The following ST18 variants were observed in gnomAD, a reference collection of about 807,000 sequenced individuals.
The protein encoded by ST18 is suppression of tumorigenicity 18 protein.
Under a neutral mutation model 110.0 loss-of-function variants are expected in ST18, and 50 were observed. The ratio of observed to expected loss-of-function variants is 0.45; its 90% CI spans 0.36 to 0.58. The LOEUF (loss-of-function observed/expected upper bound fraction) is 0.58, where lower values mean the gene tolerates loss of function less well. ST18 is among the 20% of genes least tolerant of loss of function. The pLI is 0.00. For synonymous variants in ST18, 461 were observed against 452.4 expected (o/e 1.02, Z -0.24); for missense variants, 1,306 against 1,280.1 (o/e 1.02, Z -0.31).
intron 2 of ST18, among the ~76,000 whole-genome samples, chr8:52,276,226 C>CCA (rs2095258520): frequency 6.7e-6 from 1 of 148,210 alleles, no homozygotes; most frequent in African/African-American, 2.5e-5. Context: ...TAATTACACA[C>CCA]TACACACACC....
chr8:52,367,377 G>A (rs1471998463), intron 2 of ST18, among the ~76,000 whole-genome samples: 1 of 151,910 alleles, frequency 6.6e-6, no homozygotes, highest in Non-Finnish European at 1.5e-5. Context: ...AGCCAATATC[G>A]GTCCACTGCA....
chr8:52,355,561 A>G (rs1461794869), intron 2 of ST18, among the ~76,000 whole-genome samples: 2 of 152,250 alleles, frequency 1.3e-5, no homozygotes, highest in African/African-American at 4.8e-5. Flanking sequence ...CACAAAAGCA[A>G]TAAGCTGGCA....
chr8:52,405,472 G>T (rs1844150149), intron 2 of ST18: 4 of 152,124 alleles, frequency 2.6e-5, no homozygotes. Context: ...TCCTATTTTG[G>T]TCAGAGTTCT....
chr8:52,199,861 C>T (rs2077372898), intron 8 of ST18, among the ~76,000 whole-genome samples: 1 of 152,192 alleles, frequency 6.6e-6, no homozygotes, highest in Non-Finnish European at 1.5e-5. Flanking sequence ...AGTGCCTGCT[C>T]TGTGACAGCA....
intron 2 of ST18, among the ~76,000 whole-genome samples, chr8:52,348,722 CA>C (rs1818878429): frequency 1.3e-5 from 2 of 151,752 alleles, no homozygotes; most frequent in Admixed American, 6.6e-5. Flanking sequence ...TCAGCCTGAG[CA>C]AAAAAATGCA....
chr8:52,121,857 T>A (rs917532171), intron 23 of ST18, among the ~76,000 whole-genome samples: 1 of 152,136 alleles, frequency 6.6e-6, no homozygotes, highest in Non-Finnish European at 1.5e-5. Context: ...TTATTATTAT[T>A]ATTTTTTGAG....
At chr8:52,346,481 C>G (rs1817826596) in intron 2 of ST18, among the ~76,000 whole-genome samples, 1 of 152,060 alleles carries the variant, frequency 6.6e-6, no homozygotes, top group Non-Finnish European at 1.5e-5. Context: ...AGTTGAATTT[C>G]CAGACCACAA....
chr8:52,230,348 T>C (rs1269453514), intron 2 of ST18, among the ~76,000 whole-genome samples: 2 of 152,060 alleles, frequency 1.3e-5, no homozygotes, highest in Non-Finnish European at 2.9e-5. Flanking sequence ...TAAGTATATT[T>C]GAGAACCTTT....
At chr8:52,285,653 G>A (rs941136836) in intron 2 of ST18, among the ~76,000 whole-genome samples, 2 of 152,184 alleles carry the variant, frequency 1.3e-5, no homozygotes, top group African/African-American at 4.8e-5. Context: ...AAACCACAGA[G>A]CCCCCAGAGG....
chr8:52,282,370 T>C (rs555584766), intron 2 of ST18, among the ~76,000 whole-genome samples: 1 of 152,318 alleles, frequency 6.6e-6, no homozygotes, highest in South Asian at 2.1e-4. Flanking sequence ...AGTAAGTAAA[T>C]GTTGATTCAA....
Position 52,252,721 on chromosome 8 carries a change from G to A in ST18, c.-464-22644C>T, listed in dbSNP as rs1053604767. 7.9e-5 allele frequency among the ~76,000 whole-genome samples: 12 copies of A among 151,924 alleles called. 1 individual carries two copies. In the South Asian group the frequency reaches 8.3e-4, roughly 10 times the overall value. On this transcript the variant is annotated intron_variant, in intron 2 of 25. Transcript: ENST00000689386. ...GCTTTTATGTGCAACAGTGATTTCC[G>A]CTAATTTGGCAAGAGAAATCTATAT...
At chr8:52,225,695 A>G (rs1232286619) in intron 3 of ST18, among the ~76,000 whole-genome samples, 2 of 152,232 alleles carry the variant, frequency 1.3e-5, no homozygotes, top group African/African-American at 4.8e-5. Flanking sequence ...AATAATTTCT[A>G]CATTCATTTT....
intron 2 of ST18, among the ~76,000 whole-genome samples, chr8:52,395,119 A>G (rs1432565412): frequency 1.3e-5 from 2 of 152,170 alleles, no homozygotes; most frequent in Non-Finnish European, 2.9e-5. Flanking sequence ...TCCTGGCTGG[A>G]CTGGAGTATG....
intron 14 of ST18, among the ~76,000 whole-genome samples, chr8:52,160,345 T>C (rs1015492415): frequency 6.6e-6 from 1 of 152,220 alleles, no homozygotes; most frequent in African/African-American, 2.4e-5. Flanking sequence ...TCTTTTAGAA[T>C]GTAATGTACC....
intron 9 of ST18, among the ~76,000 whole-genome samples, chr8:52,173,507 G>A (rs976973361): frequency 6.6e-6 from 1 of 152,166 alleles, no homozygotes; most frequent in Admixed American, 6.5e-5. Flanking sequence ...CTCTTGCTCT[G>A]GGAGTGGCCA....
At chr8:52,278,822 G>A (rs760490666) in intron 2 of ST18, among the ~76,000 whole-genome samples, 1 of 152,168 alleles carries the variant, frequency 6.6e-6, no homozygotes, top group Non-Finnish European at 1.5e-5. Context: ...CATAGGCATG[G>A]CACTAGAATT....
At chr8:52,326,835 T>A (rs1208874580) in intron 2 of ST18, among the ~76,000 whole-genome samples, 1 of 152,172 alleles carries the variant, frequency 6.6e-6, no homozygotes, top group African/African-American at 2.4e-5. Context: ...CTGCCAAGAA[T>A]GAATATGTCA....
At chr8:52,377,896 C>A (rs892230372) in intron 2 of ST18, among the ~76,000 whole-genome samples, 8 of 152,076 alleles carry the variant, frequency 5.3e-5, no homozygotes, top group Non-Finnish European at 1.2e-4. Flanking sequence ...TACATATACA[C>A]AATGGAATAT....
chr8:52,254,083 A>C (rs1181533244), intron 2 of ST18, among the ~76,000 whole-genome samples: 1 of 152,112 alleles, frequency 6.6e-6, no homozygotes, highest in Non-Finnish European at 1.5e-5. Flanking sequence ...AACAAACATC[A>C]GAAAAACCAT....
Sources: allele counts gnomAD v4.1 joint callset (sites outside exome capture counted in the v4.1 genomes callset), GRCh38; gene constraint gnomAD v4.1.1; transcripts MANE v1.5; gene names NCBI Gene and HGNC (gene_info 2026-07-23, HGNC 2026-07-21).